Variants in NRXN3 observed in about 807,000 individuals in gnomAD.
NRXN3 encodes the protein neurexin III.
A neutral mutation model predicts 137.6 loss-of-function variants in NRXN3; 32 were observed. The ratio of observed to expected loss-of-function variants is 0.23; its 90% CI spans 0.18 to 0.31. The LOEUF is 0.31. Ranked by LOEUF, NRXN3 falls within the 10% of genes least tolerant of loss-of-function variation. The pLI is 1.00. For synonymous variants in NRXN3, 798 were observed against 784.5 expected (o/e 1.02, Z -0.29); for missense variants, 1,574 against 2,062.5 (o/e 0.76, Z 4.59).
intron 15 of NRXN3, among the ~76,000 whole-genome samples, chr14:79,187,804 C>A (rs528293551): frequency 1.4e-4 from 22 of 152,236 alleles, no homozygotes; most frequent in African/African-American, 3.9e-4. Context: ...TTGGATGAGA[C>A]GGAAGATGCT....
chr14:79,227,773 C>CCTTCCTTCCTTCCTTCCTTA (rs2071250681), intron 15 of NRXN3, among the ~76,000 whole-genome samples: 1 of 123,658 alleles, frequency 8.1e-6, no homozygotes, highest in South Asian at 3.3e-4. Flanking sequence ...TTCCTTCCTT[C>CCTTCCTTCCTTCCTTCCTTA]CTTCCTTCCT....
chr14:79,217,897 C>T (rs1292610160), intron 15 of NRXN3, among the ~76,000 whole-genome samples: 3 of 152,148 alleles, frequency 2.0e-5, no homozygotes, highest in African/African-American at 7.2e-5. Flanking sequence ...AGTTACATGA[C>T]TGAAATTTTA....
At chr14:78,956,663 T>C (rs1231705530) in intron 10 of NRXN3, among the ~76,000 whole-genome samples, 2 of 152,180 alleles carry the variant, frequency 1.3e-5, no homozygotes, top group Non-Finnish European at 2.9e-5. Context: ...TATGATGGGG[T>C]TTAAAACTTG....
chr14:79,426,192 C>T (rs1162887956), intron 15 of NRXN3, among the ~76,000 whole-genome samples: 1 of 152,136 alleles, frequency 6.6e-6, no homozygotes, highest in Non-Finnish European at 1.5e-5. Context: ...GTAGATGCAG[C>T]TGACAGTAGC....
intron 4 of NRXN3, among the ~76,000 whole-genome samples, chr14:78,563,938 C>T (rs1600530828): frequency 2.6e-5 from 4 of 152,290 alleles, no homozygotes; most frequent in Admixed American, 2.6e-4. Context: ...TGGCTTTTGG[C>T]TTTGAGGCAG....
At chr14:79,094,821 G>C (rs1452405519) in intron 15 of NRXN3, among the ~76,000 whole-genome samples, 1 of 152,068 alleles carries the variant, frequency 6.6e-6, no homozygotes, top group Non-Finnish European at 1.5e-5. Flanking sequence ...ATCAAGTATT[G>C]AGGGGCAAAA....
At chr14:78,540,435 CTT>C (rs537566835) in intron 4 of NRXN3, among the ~76,000 whole-genome samples, 31 of 116,524 alleles carry the variant, frequency 2.7e-4, no homozygotes, top group African/African-American at 3.5e-4. Flanking sequence ...GCAACCCCTG[CTT>C]TTTTTTTTTT....
chr14:78,510,889 G>A (rs550439468), intron 4 of NRXN3, among the ~76,000 whole-genome samples: 1 of 152,152 alleles, frequency 6.6e-6, no homozygotes, highest in Admixed American at 6.5e-5. Flanking sequence ...AAGCTTGTAA[G>A]CACCAGATCT....
At chr14:78,808,019 G>A (rs567113645) in intron 9 of NRXN3, among the ~76,000 whole-genome samples, 11 of 151,552 alleles carry the variant, frequency 7.3e-5, no homozygotes, top group East Asian at 3.9e-4. Flanking sequence ...GTATGTGTGC[G>A]TGTGTCTATA....
intron 15 of NRXN3, among the ~76,000 whole-genome samples, chr14:79,297,485 G>A (rs2084382414): frequency 6.6e-6 from 1 of 152,102 alleles, no homozygotes. Flanking sequence ...TATCTCATCA[G>A]AGACTATATC....
chr14:78,480,082 A>G (rs1055820121), intron 4 of NRXN3, among the ~76,000 whole-genome samples: 3 of 152,334 alleles, frequency 2.0e-5, no homozygotes, highest in East Asian at 1.9e-4. Context: ...CGGAGGTTGC[A>G]GTGAGCAGAG....
chr14:79,374,179 T>A (rs2094193243), intron 15 of NRXN3, among the ~76,000 whole-genome samples: 1 of 152,170 alleles, frequency 6.6e-6, no homozygotes, highest in South Asian at 2.1e-4. Context: ...TATATGGCAC[T>A]CAAAACATTT....
At chr14:79,666,902 T>C (rs1321366498) in intron 17 of NRXN3, among the ~76,000 whole-genome samples, 1 of 152,052 alleles carries the variant, frequency 6.6e-6, no homozygotes, top group East Asian at 1.9e-4. Context: ...AAAGGAGCTA[T>C]ATCCCCTTAC....
At chr14:79,772,338 A>G (rs1465216867) in intron 19 of NRXN3, among the ~76,000 whole-genome samples, 7 of 152,102 alleles carry the variant, frequency 4.6e-5, no homozygotes, top group Non-Finnish European at 1.0e-4. Flanking sequence ...AAGCCAAAAG[A>G]ACAAAGCTGG....
chr14:78,400,203 A>C (rs1369284333), intron 4 of NRXN3, among the ~76,000 whole-genome samples: 1 of 152,222 alleles, frequency 6.6e-6, no homozygotes, highest in Admixed American at 6.5e-5. Context: ...AAAATACAGC[A>C]GTCTCCTATT....
intron 4 of NRXN3, among the ~76,000 whole-genome samples, chr14:78,396,668 G>A (rs186236423): frequency 1.7e-4 from 26 of 152,218 alleles, no homozygotes; most frequent in African/African-American, 6.3e-4. Flanking sequence ...TGGCCTCTAT[G>A]GCTTTTGATG....
chr14:79,829,417 G>A (rs1224878989), intron 20 of NRXN3, among the ~76,000 whole-genome samples: 1 of 152,132 alleles, frequency 6.6e-6, no homozygotes, highest in Admixed American at 6.5e-5. Context: ...TATTGCCCAT[G>A]CATGGTCACT....
At chr14:79,842,261 G>T (rs1032211520) in intron 20 of NRXN3, among the ~76,000 whole-genome samples, 2 of 152,206 alleles carry the variant, frequency 1.3e-5, no homozygotes, top group South Asian at 4.1e-4. Context: ...TAAATACTGT[G>T]CAGAGAATCA....
intron 20 of NRXN3, among the ~76,000 whole-genome samples, chr14:79,849,265 A>G (rs1011128929): frequency 2.6e-5 from 4 of 152,208 alleles, no homozygotes; most frequent in African/African-American, 9.7e-5. Context: ...AGAAGTATAC[A>G]TCTAAACAAA....
Sources: gnomAD v4.1 joint callset for allele counts (sites outside exome capture counted in the v4.1 genomes callset) on GRCh38, gnomAD v4.1.1 for gene constraint, MANE v1.5 for transcripts, NCBI Gene and HGNC (gene_info 2026-07-23, HGNC 2026-07-21) for gene names.